NLGN4X: variants seen among roughly 807,000 people sequenced by gnomAD.
The protein encoded by NLGN4X is neuroligin 4 X-linked, also known as neuroligin-4, X-linked.
Under a neutral mutation model 40.3 loss-of-function variants are expected in NLGN4X, and 3 were observed. The observed-to-expected ratio is 0.07, with a 90% CI of 0.03 to 0.19. NLGN4X has a LOEUF of 0.19. NLGN4X is among the 10% of genes least tolerant of loss of function. The probability of loss-of-function intolerance (pLI) is 1.00; values close to 1 mark genes in which losing one functional copy is unlikely to be tolerated. For synonymous variants in NLGN4X, 270 were observed against 306.8 expected (o/e 0.88, Z 1.25); for missense variants, 382 against 708.3 (o/e 0.54, Z 5.23).
intron 1 of NLGN4X, among the ~76,000 whole-genome samples, chrX:6,208,773 C>G (rs939420945): frequency 8.9e-6 from 1 of 111,977 alleles, no homozygotes; most frequent in African/African-American, 3.2e-5. Flanking sequence ...TCCACATACA[C>G]TGTTGATGGG....
intron 3 of NLGN4X, among the ~76,000 whole-genome samples, chrX:6,007,572 G>A (rs1344974578): frequency 2.7e-5 from 3 of 111,740 alleles, no homozygotes; most frequent in South Asian, 3.7e-4. Flanking sequence ...CTTAAAACAC[G>A]TATTTTGTTA....
chrX:6,064,423 C>A (rs1314653726), intron 2 of NLGN4X, among the ~76,000 whole-genome samples: 1 of 111,732 alleles, frequency 8.9e-6, no homozygotes, highest in Non-Finnish European at 1.9e-5. Flanking sequence ...TTCAAGATGT[C>A]TTTTTTCCTC....
chrX:6,091,807 G>A (rs988179854), intron 2 of NLGN4X, among the ~76,000 whole-genome samples: 3 of 111,577 alleles, frequency 2.7e-5, no homozygotes, highest in African/African-American at 9.8e-5. Flanking sequence ...TTAGCTCATA[G>A]GATAAGAACA....
At chrX:5,988,794 T>C (rs1279041137) in intron 3 of NLGN4X, among the ~76,000 whole-genome samples, 1 of 112,206 alleles carries the variant, frequency 8.9e-6, no homozygotes, top group Non-Finnish European at 1.9e-5. Context: ...GCTGGGCGCA[T>C]TGGCTCCCGC....
rs56285921 is a variant in NLGN4X at position 6,095,102 on chromosome X, CGTGTGTGTGTGTGTGTGTGT to C, written c.472+55873_472+55892del. Among the ~76,000 whole-genome samples the C allele has an allele frequency of 2.2e-3, 197 of 88,363 alleles. 1 individual carries two copies. The highest frequency in any genetic ancestry group is 7.6e-3 in the African/African-American group (185 of 24,207). 76.7% of individuals were successfully genotyped at this position (88,363 alleles called of 115,157 possible). A position where few individuals can be genotyped will look rare whatever the true frequency, so the allele number is the denominator to read the frequency against. ...GGCTAAGGCTTTAAGTACGTGCGTG[CGTGTGTGTGTGTGTGTGTGT>C]GTGTGTGTGTGTGTGTGTGTGTGTG... On this transcript the variant is annotated intron_variant, in intron 2 of 5. Coordinates refer to ENST00000381095, the MANE Select transcript of NLGN4X (RefSeq NM_181332.3).
At chrX:5,901,730 T>TTCTC (rs1003261764) in intron 5 of NLGN4X, among the ~76,000 whole-genome samples, 28 of 109,477 alleles carry the variant, frequency 2.6e-4, no homozygotes, top group Middle Eastern at 4.8e-3. Flanking sequence ...TATTTTCATT[T>TTCTC]TCTCTCTCTA....
At chrX:5,932,957 C>T (rs2033603495) in intron 3 of NLGN4X, among the ~76,000 whole-genome samples, 1 of 111,107 alleles carries the variant, frequency 9.0e-6, no homozygotes, top group Non-Finnish European at 1.9e-5. Flanking sequence ...ACAGAAAATT[C>T]TAATAGCCTT....
chrX:5,981,837 T>A (rs1309609676), intron 3 of NLGN4X, among the ~76,000 whole-genome samples: 3 of 111,156 alleles, frequency 2.7e-5, no homozygotes, highest in Non-Finnish European at 3.8e-5. Flanking sequence ...TCCCAGTAAC[T>A]CTCCAAGGTA....
At chrX:6,039,204 C>G (rs59980820) in intron 2 of NLGN4X, among the ~76,000 whole-genome samples, 20 of 109,882 alleles carry the variant, frequency 1.8e-4, no homozygotes, top group Non-Finnish European at 2.7e-4. Flanking sequence ...GACTCAAATC[C>G]CCTGTACCTA....
At chrX:6,135,594 T>C (rs2039796182) in intron 2 of NLGN4X, among the ~76,000 whole-genome samples, 1 of 111,737 alleles carries the variant, frequency 8.9e-6, no homozygotes, top group African/African-American at 3.3e-5. Flanking sequence ...TTCTCATTTC[T>C]GAAGAGTATA....
At chrX:5,957,115 T>A (rs185473317) in intron 3 of NLGN4X, among the ~76,000 whole-genome samples, 172 of 112,100 alleles carry the variant, frequency 1.5e-3, no homozygotes, top group African/African-American at 5.1e-3. Context: ...AGAAACTCTT[T>A]CTCATACATC....
intron 1 of NLGN4X, among the ~76,000 whole-genome samples, chrX:6,169,832 A>T: frequency 8.9e-6 from 1 of 111,811 alleles, no homozygotes. Flanking sequence ...GGGAAAAAAA[A>T]ATGGGAAGCT....
intron 2 of NLGN4X, among the ~76,000 whole-genome samples, chrX:6,056,302 C>T (rs1014764237): frequency 9.0e-6 from 1 of 110,863 alleles, no homozygotes; most frequent in African/African-American, 3.3e-5. Context: ...ATGGCAAAAC[C>T]CCATCTCTAT....
chrX:5,967,688 G>A (rs913683902), intron 3 of NLGN4X, among the ~76,000 whole-genome samples: 3 of 111,407 alleles, frequency 2.7e-5, no homozygotes, highest in African/African-American at 6.5e-5. Flanking sequence ...GTGCCATGCC[G>A]GGATGATGTG....
intron 2 of NLGN4X, among the ~76,000 whole-genome samples, chrX:6,034,471 GAT>G (rs2036950414): frequency 8.9e-6 from 1 of 111,879 alleles, no homozygotes; most frequent in African/African-American, 3.3e-5. Flanking sequence ...TTTTTGCATG[GAT>G]ATATGTTTTC....
intron 2 of NLGN4X, among the ~76,000 whole-genome samples, chrX:6,078,923 C>T (rs757154327): frequency 9.0e-6 from 1 of 111,158 alleles, no homozygotes; most frequent in Non-Finnish European, 1.9e-5. Flanking sequence ...CTCATGATAG[C>T]GAGTGAGTTC....
At position 6,095,667 on chromosome X, in the gene NLGN4X, T is replaced by G. The variant is rs966660797; in HGVS notation, c.472+55328A>C. ...CTAGGATTACCATACTGGTGCTCAA[T>G]GAAGACAATGCTGCCCCCTCAGGAG... On this transcript the variant is annotated intron_variant, in intron 2 of 5. Coordinates refer to ENST00000381095, the MANE Select transcript of NLGN4X (RefSeq NM_181332.3). 2.7e-5 allele frequency among the ~76,000 whole-genome samples: 3 copies of G among 112,199 alleles called. No individual in the cohort carries two copies. In the Admixed American group the frequency reaches 2.8e-4, roughly 11 times the overall value.
intron 2 of NLGN4X, among the ~76,000 whole-genome samples, chrX:6,148,704 T>TG (rs1389676502): frequency 9.0e-6 from 1 of 110,706 alleles, no homozygotes; most frequent in African/African-American, 3.3e-5. Flanking sequence ...TTAGTAGAGA[T>TG]GGGGTTTCAC....
chrX:6,216,571 T>A (rs982491628), intron 1 of NLGN4X, among the ~76,000 whole-genome samples: 1 of 112,482 alleles, frequency 8.9e-6, no homozygotes, highest in African/African-American at 3.2e-5. Context: ...GCACCGTCTG[T>A]GGTTTCTCTA....
Sources: allele counts gnomAD v4.1 joint callset (sites outside exome capture counted in the v4.1 genomes callset), GRCh38; gene constraint gnomAD v4.1.1; transcripts MANE v1.5; gene names NCBI Gene and HGNC (gene_info 2026-07-23, HGNC 2026-07-21).